The following SMG6 variants were observed in gnomAD, a reference collection of about 807,000 sequenced individuals.
The protein encoded by SMG6 is SMG6 nonsense mediated mRNA decay factor, also known as telomerase-binding protein EST1A.
Under a neutral mutation model 142.2 loss-of-function variants are expected in SMG6, and 66 were observed. That is an observed-to-expected ratio of 0.46 (90% confidence interval 0.38 to 0.57). SMG6 has a LOEUF of 0.57. Ranked by LOEUF, SMG6 falls within the 20% of genes least tolerant of loss-of-function variation. The pLI is 0.00. For missense variants in SMG6, 1,793 were observed against 1,832.0 expected (o/e 0.98, Z 0.39); for synonymous variants, 779 against 702.4 (o/e 1.11, Z -1.72).
At chr17:2,149,881 C>T (rs1037655594) in intron 13 of SMG6, among the ~76,000 whole-genome samples, 1 of 152,168 alleles carries the variant, frequency 6.6e-6, no homozygotes, top group Non-Finnish European at 1.5e-5. Context: ...ATGTTTCCAC[C>T]GGGAGGGTCC....
intron 4 of SMG6, 81 bp from the exon 5 acceptor site, chr17:2,293,058 G>A: frequency 2.0e-6 from 2 of 1,006,418 alleles, no homozygotes; most frequent in South Asian, 1.3e-5. Context: ...GGGTGAAAAT[G>A]ACAATGTAGC....
intron 13 of SMG6, chr17:2,127,865 G>A (rs1051254377): frequency 7.2e-6 from 4 of 559,322 alleles, no homozygotes; most frequent in Non-Finnish European, 1.4e-5. Flanking sequence ...GCGATCTCCT[G>A]CTTCATCTTG....
In SMG6 at chr17:2,303,621, G is replaced by A; in HGVS notation, c.88+12C>T. On this transcript the variant is annotated intron_variant, in intron 1 of 18. Coordinates refer to ENST00000263073, the MANE Select transcript of SMG6 (RefSeq NM_017575.5). ...GGCAGGCCCGGCCCAGGAGCTGGGC[G>A]GCGCGACTCACCTCTGCTCCCGGCC... 1 of 1,446,240 alleles carries A rather than the reference G, an allele frequency of 6.9e-7. No individual in the cohort carries two copies. Among genetic ancestry groups the A allele is most frequent in the Non-Finnish European group, 9.1e-7 (1 of 1,104,182 alleles). 89.6% of individuals were successfully genotyped at this position (1,446,240 alleles called of 1,614,324 possible).
intron 8 of SMG6, among the ~76,000 whole-genome samples, chr17:2,253,914 C>A (rs755347120): frequency 6.6e-6 from 1 of 152,170 alleles, no homozygotes; most frequent in Non-Finnish European, 1.5e-5. Flanking sequence ...CCAAGCCCAA[C>A]GGAGACTTCA....
intron 10 of SMG6, among the ~76,000 whole-genome samples, chr17:2,219,157 G>C (rs2073102312): frequency 6.6e-6 from 1 of 151,734 alleles, no homozygotes; most frequent in African/African-American, 2.4e-5. Flanking sequence ...GGCGGAGGTG[G>C]GTGGATCCCC....
chr17:2,264,055 T>TTAC (rs2074371438), intron 8 of SMG6, among the ~76,000 whole-genome samples: 1 of 151,950 alleles, frequency 6.6e-6, no homozygotes, highest in African/African-American at 2.4e-5. Flanking sequence ...AGGCAGTGTG[T>TTAC]TACTATATAA....
At chr17:2,061,675 TG>T in intron 18 of SMG6, 53 bp from the exon 19 acceptor site, 1 of 1,539,102 alleles carries the variant, frequency 6.5e-7, no homozygotes, top group Non-Finnish European at 8.8e-7. Flanking sequence ...GGCAGAGGGC[TG>T]GCTGCTCTTC....
At chr17:2,077,693 G>A (rs535629527) in intron 15 of SMG6, among the ~76,000 whole-genome samples, 18 of 152,266 alleles carry the variant, frequency 1.2e-4, no homozygotes, top group Middle Eastern at 3.4e-3. Flanking sequence ...TTTAAGAGAC[G>A]GGGTTTTGCT....
intron 13 of SMG6, among the ~76,000 whole-genome samples, chr17:2,165,304 T>C (rs938469603): frequency 1.3e-5 from 2 of 150,732 alleles, no homozygotes; most frequent in Non-Finnish European, 3.0e-5. Context: ...AACTGAAAAC[T>C]AGACATGAGC....
chr17:2,123,532 G>A (rs958022145), intron 13 of SMG6, among the ~76,000 whole-genome samples: 1 of 152,126 alleles, frequency 6.6e-6, no homozygotes, highest in Non-Finnish European at 1.5e-5. Context: ...TTAAATCTTG[G>A]CAATGGTTAT....
intron 13 of SMG6, among the ~76,000 whole-genome samples, chr17:2,105,299 A>C (rs961952693): frequency 1.3e-5 from 2 of 150,072 alleles, no homozygotes; most frequent in Non-Finnish European, 3.0e-5. Flanking sequence ...TAATCCCAGC[A>C]CTTTGGGAGG....
At chr17:2,302,651 C>T (rs1318561207) in intron 1 of SMG6, among the ~76,000 whole-genome samples, 2 of 152,174 alleles carry the variant, frequency 1.3e-5, no homozygotes, top group Non-Finnish European at 2.9e-5. Context: ...AGTACATTTA[C>T]TGTTTGTAGG....
At chr17:2,284,562 T>C (rs1233667359) in intron 6 of SMG6, among the ~76,000 whole-genome samples, 2 of 152,192 alleles carry the variant, frequency 1.3e-5, no homozygotes, top group African/African-American at 4.8e-5. Flanking sequence ...TCATGTACAT[T>C]TTCAATGTTT....
At chr17:2,082,246 T>A in intron 14 of SMG6, 1 of 353,646 alleles carries the variant, frequency 2.8e-6, no homozygotes, top group South Asian at 5.7e-5. Flanking sequence ...TTACTCACAC[T>A]CTGTGTTCTT....
Position 2,087,319 on chromosome 17 carries a change from G to C in SMG6, c.3358-1418C>G, listed in dbSNP as rs188923603. The C allele has an allele frequency of 1.7e-5, 21 of 1,227,432 alleles. No homozygotes were observed. In the African/African-American group the frequency reaches 3.3e-4, roughly 19 times the overall value. The allele number at this position is 1,227,432 out of a possible 1,614,324, so 76.0% of individuals were successfully genotyped here. A position where few individuals can be genotyped will look rare whatever the true frequency, so the allele number is the denominator to read the frequency against. On this transcript the variant is annotated intron_variant, in intron 13 of 18. Transcript: ENST00000263073. ...GTTCTCTAAGACAGTGGAAATAAAT[G>C]AGCACCGCTGTGCAGGCTGGCTGCC...
chr17:2,261,327 G>A lies in SMG6; in HGVS notation c.2662-16608C>T, dbSNP rs1324920911. ...AGACTCCGTCTCAAAAAAAAAAAAA[G>A]GGAAGAGAAGAATGACAGCGATACA... On this transcript the variant is annotated intron_variant, in intron 8 of 18. Coordinates refer to ENST00000263073, the MANE Select transcript of SMG6 (RefSeq NM_017575.5). 3.3e-5 allele frequency among the ~76,000 whole-genome samples: 5 copies of A among 151,390 alleles called. No homozygotes were observed. The East Asian group carries it at 5.8e-4, about 18-fold the overall frequency.
chr17:2,232,758 A>T (rs1597664379), intron 10 of SMG6: 1 of 152,092 alleles, frequency 6.6e-6, no homozygotes, highest in Non-Finnish European at 1.5e-5. Flanking sequence ...CTGAAACTGG[A>T]AAGTTTAGTT....
At chr17:2,290,875 T>C (rs1338082366) in intron 6 of SMG6, among the ~76,000 whole-genome samples, 3 of 152,300 alleles carry the variant, frequency 2.0e-5, no homozygotes, top group African/African-American at 7.2e-5. Flanking sequence ...TCGTGTGTCA[T>C]TAGAGAACTG....
intron 8 of SMG6, chr17:2,280,737 A>G: frequency 3.9e-6 from 1 of 257,436 alleles, no homozygotes; most frequent in Non-Finnish European, 6.1e-6. Flanking sequence ...TCTACCTACA[A>G]GAATTTAAAG....
Sources: allele counts gnomAD v4.1 joint callset (sites outside exome capture counted in the v4.1 genomes callset), GRCh38; gene constraint gnomAD v4.1.1; transcripts MANE v1.5; gene names NCBI Gene and HGNC (gene_info 2026-07-23, HGNC 2026-07-21).